Variants in SLC25A20 observed in about 807,000 individuals in gnomAD.
The protein encoded by SLC25A20 is mitochondrial carnitine/acylcarnitine carrier protein.
SLC25A20 carries 29 observed loss-of-function variants against 39.7 expected under a neutral mutation model. The ratio of observed to expected loss-of-function variants is 0.73; its 90% CI spans 0.54 to 1.00. The LOEUF (loss-of-function observed/expected upper bound fraction) is 1.00. SLC25A20 is among the 50% of genes least tolerant of loss of function. SLC25A20 has a pLI of 0.00. For missense variants in SLC25A20, 333 were observed against 379.9 expected (o/e 0.88, Z 1.03); for synonymous variants, 103 against 142.2 (o/e 0.72, Z 1.96).
chr3:48,895,547 C>A (rs374759082), intron 1 of SLC25A20, among the ~76,000 whole-genome samples: 2 of 152,156 alleles, frequency 1.3e-5, no homozygotes, highest in South Asian at 2.1e-4. Context: ...TTCTTTATTT[C>A]TTTGGAATCT....
intron 4 of SLC25A20, among the ~76,000 whole-genome samples, chr3:48,876,808 A>C (rs2083761418): frequency 6.6e-6 from 1 of 151,934 alleles, no homozygotes; most frequent in Non-Finnish European, 1.5e-5. Context: ...AATGTTAGAA[A>C]CACATGGCTG....
At chr3:48,883,271 G>A (rs943363381) in intron 3 of SLC25A20, among the ~76,000 whole-genome samples, 2 of 151,854 alleles carry the variant, frequency 1.3e-5, no homozygotes, top group Non-Finnish European at 2.9e-5. Context: ...CCAGGAGTTG[G>A]GCCAGGCACA....
chr3:48,876,299 G>A (rs1400877139), intron 4 of SLC25A20, among the ~76,000 whole-genome samples: 10 of 143,992 alleles, frequency 6.9e-5, no homozygotes, highest in Admixed American at 2.8e-4. Flanking sequence ...CTGAGATCGT[G>A]CCACTGATCT....
intron 4 of SLC25A20, among the ~76,000 whole-genome samples, chr3:48,866,533 G>A (rs930866919): frequency 6.6e-6 from 1 of 151,332 alleles, no homozygotes. Context: ...CAGCCTGGGT[G>A]ACAGAACAAG....
At chr3:48,882,984 G>A (rs1324634752) in intron 3 of SLC25A20, among the ~76,000 whole-genome samples, 3 of 149,640 alleles carry the variant, frequency 2.0e-5, no homozygotes, top group African/African-American at 4.9e-5. Context: ...TCAGGAGATC[G>A]AGACCATCCT....
At chr3:48,889,263 G>A (rs1167291565) in intron 2 of SLC25A20, among the ~76,000 whole-genome samples, 1 of 150,852 alleles carries the variant, frequency 6.6e-6, no homozygotes. Flanking sequence ...GATGGCACAT[G>A]CCTGTAATCT....
chr3:48,891,321 C>T (rs889404996), intron 2 of SLC25A20, among the ~76,000 whole-genome samples: 1 of 151,952 alleles, frequency 6.6e-6, no homozygotes, highest in Non-Finnish European at 1.5e-5. Flanking sequence ...GCAATCCACC[C>T]ACCTTGGCCT....
chr3:48,879,597 C>A, intron 3 of SLC25A20, 149 bp from the exon 4 acceptor site: 1 of 696,422 alleles, frequency 1.4e-6, no homozygotes, highest in East Asian at 2.7e-5. Context: ...AGATTTCGCA[C>A]AAAAACTCAG....
At chr3:48,889,573 A>G (rs2083858141) in intron 2 of SLC25A20, among the ~76,000 whole-genome samples, 2 of 150,964 alleles carry the variant, frequency 1.3e-5, no homozygotes, top group South Asian at 4.2e-4. Flanking sequence ...GCAGGTGTAC[A>G]TTTTCTTTTT....
At chr3:48,887,130 T>C (rs1010092227) in intron 2 of SLC25A20, among the ~76,000 whole-genome samples, 3 of 152,190 alleles carry the variant, frequency 2.0e-5, no homozygotes, top group African/African-American at 2.4e-5. Context: ...AAGTAGCATA[T>C]GACAAAGTCC....
chr3:48,881,718 A>G (rs2083796722), intron 3 of SLC25A20, among the ~76,000 whole-genome samples: 1 of 152,118 alleles, frequency 6.6e-6, no homozygotes, highest in South Asian at 2.1e-4. Flanking sequence ...AGTCCAAAGT[A>G]CCAGAAGTGA....
At chr3:48,858,950 T>G in intron 7 of SLC25A20, 142 bp downstream of exon 7, 1 of 729,618 alleles carries the variant, frequency 1.4e-6, no homozygotes, top group Non-Finnish European at 2.4e-6. Context: ...CAAATGACTG[T>G]GAGGGAGAAT....
At chr3:48,897,108 TGAAAG>T in intron 1 of SLC25A20, among the ~76,000 whole-genome samples, 1 of 147,174 alleles carries the variant, frequency 6.8e-6, no homozygotes, top group African/African-American at 2.5e-5. Flanking sequence ...CTTGGAACTC[TGAAAG>T]TACCTTAAGG....
chr3:48,893,562 C>G (rs2083892280), intron 1 of SLC25A20, among the ~76,000 whole-genome samples: 1 of 151,870 alleles, frequency 6.6e-6, no homozygotes, highest in South Asian at 2.1e-4. Flanking sequence ...GAGACAGGGT[C>G]TCACTGTCTC....
intron 2 of SLC25A20, among the ~76,000 whole-genome samples, chr3:48,888,000 G>T (rs539362446): frequency 6.6e-6 from 1 of 151,392 alleles, no homozygotes; most frequent in South Asian, 2.1e-4. Flanking sequence ...CCTGAGCTCA[G>T]GAGATTAAAA....
intron 4 of SLC25A20, among the ~76,000 whole-genome samples, chr3:48,874,942 C>T (rs1242341794): frequency 6.7e-6 from 1 of 149,610 alleles, no homozygotes; most frequent in Non-Finnish European, 1.5e-5. Flanking sequence ...CGGGTGCATG[C>T]CTGTAATCCC....
intron 4 of SLC25A20, among the ~76,000 whole-genome samples, chr3:48,874,099 C>A (rs1180841493): frequency 8.6e-5 from 13 of 151,956 alleles, no homozygotes; most frequent in Admixed American, 7.9e-4. Context: ...CAAGACCAGC[C>A]TGGCCAACAT....
chr3:48,858,721 G>A, intron 7 of SLC25A20, 90 bp from the exon 8 acceptor site: 2 of 1,539,906 alleles, frequency 1.3e-6, no homozygotes, highest in Non-Finnish European at 1.8e-6. Flanking sequence ...ACAGGGAAAG[G>A]ACACCTTGCA....
Position 48,858,620 on chromosome 3 carries a change from T to C in SLC25A20, c.730A>G (p.Lys244Glu). ...ACATCTCTGAAACCATTAGGATATTTCCCAGGAGGTGCTGTGGGGCAGAAC... is the reference window on the plus strand; with the variant it reads ...ACATCTCTGAAACCATTAGGATATTCCCCAGGAGGTGCTGTGGGGCAGAAC... ...KSRFQTAPPG[K>E]YPNGFRDVLR... The change falls in exon 8 of 9, where the codon AAA (lysine) becomes GAA (glutamate). Residue 244 changes from lysine (K) to glutamate (E), a missense_variant. Coordinates refer to ENST00000319017, the MANE Select transcript of SLC25A20 (RefSeq NM_000387.6). 6.2e-7 allele frequency: 1 copy of C among 1,614,170 alleles called. No individual in the cohort carries two copies. The highest frequency in any genetic ancestry group is 1.1e-5 in the South Asian group (1 of 91,082).
Sources: gnomAD v4.1 joint callset for allele counts (sites outside exome capture counted in the v4.1 genomes callset) on GRCh38, gnomAD v4.1.1 for gene constraint, MANE v1.5 for transcripts, NCBI Gene and HGNC (gene_info 2026-07-23, HGNC 2026-07-21) for gene names.